The following PIP5K1B variants were observed in gnomAD, a reference collection of about 807,000 sequenced individuals.
PIP5K1B encodes the protein phosphatidylinositol-4-phosphate 5-kinase type 1 beta.
In PIP5K1B, 42 loss-of-function variants were observed where a neutral mutation model predicts 67.0. The ratio of observed to expected loss-of-function variants is 0.63; its 90% CI spans 0.49 to 0.81. PIP5K1B has a LOEUF of 0.81. Ranked by LOEUF, PIP5K1B falls within the 30% of genes least tolerant of loss-of-function variation. The pLI, the probability that PIP5K1B is intolerant of heterozygous loss-of-function variation, is 0.00. For missense variants in PIP5K1B, 459 were observed against 646.3 expected (o/e 0.71, Z 3.14); for synonymous variants, 214 against 231.4 (o/e 0.92, Z 0.68).
rs1827071491 is a variant in PIP5K1B at position 68,705,430 on chromosome 9, G to A, written c.-575G>A. ...GGCCGCTCGCTGCTCCGTCTGGCCG[G>A]AGGACCGGCGGGGAAGGAAGGGGAA... is the stretch of plus-strand genomic sequence containing the variant. On this transcript the variant is annotated 5_prime_UTR_variant, in exon 1 of 16. Coordinates refer to ENST00000265382, the MANE Select transcript of PIP5K1B (RefSeq NM_003558.4). The A allele has an allele frequency of 2.6e-5, 4 of 151,824 alleles. No homozygotes were observed. The South Asian group carries it at 8.3e-4, about 31-fold the overall frequency. 9.4% of individuals were successfully genotyped at this position (151,824 alleles called of 1,614,324 possible).
chr9:68,939,880 T>C (rs1434353035), intron 13 of PIP5K1B, among the ~76,000 whole-genome samples: 2 of 152,216 alleles, frequency 1.3e-5, no homozygotes, highest in Non-Finnish European at 2.9e-5. Flanking sequence ...GTTATAATTG[T>C]ATTTATTAGC....
intron 10 of PIP5K1B, 56 bp from the exon 11 acceptor site, chr9:68,919,625 A>C: frequency 1.4e-6 from 2 of 1,427,448 alleles, no homozygotes; most frequent in Non-Finnish European, 2.0e-6. Context: ...GTTCTGAAAA[A>C]TCACCAAATG....
intron 13 of PIP5K1B, among the ~76,000 whole-genome samples, chr9:68,936,898 A>T (rs1827290543): frequency 6.6e-6 from 1 of 152,176 alleles, no homozygotes; most frequent in African/African-American, 2.4e-5. Flanking sequence ...AACTTATTTT[A>T]AAATTATATT....
chr9:68,922,532 A>C (rs1332865172), intron 11 of PIP5K1B, among the ~76,000 whole-genome samples: 1 of 152,126 alleles, frequency 6.6e-6, no homozygotes, highest in Non-Finnish European at 1.5e-5. Flanking sequence ...AAGCAAATTT[A>C]CTATGTCTAC....
chr9:68,795,076 G>A (rs1180240999), intron 2 of PIP5K1B, among the ~76,000 whole-genome samples: 2 of 152,096 alleles, frequency 1.3e-5, no homozygotes, highest in African/African-American at 4.8e-5. Flanking sequence ...TGATCCTTCC[G>A]GCTCTAGGTA....
At chr9:68,893,435 G>T (rs775847941) in intron 7 of PIP5K1B, among the ~76,000 whole-genome samples, 2 of 143,196 alleles carry the variant, frequency 1.4e-5, no homozygotes, top group Non-Finnish European at 3.0e-5. Context: ...CCGGGTTAAA[G>T]CAATTCTCCT....
chr9:68,800,443 CAT>C (rs1248421515), intron 2 of PIP5K1B, among the ~76,000 whole-genome samples: 1 of 152,166 alleles, frequency 6.6e-6, no homozygotes, highest in African/African-American at 2.4e-5. Context: ...GGGGAAGAAA[CAT>C]GGGTTGCTTG....
chr9:68,997,704 C>T (rs577816133), intron 15 of PIP5K1B, among the ~76,000 whole-genome samples: 52 of 152,284 alleles, frequency 3.4e-4, no homozygotes, highest in African/African-American at 1.1e-3. Flanking sequence ...AAATGGACCT[C>T]CCATTGCCCG....
At chr9:68,819,434 T>C (rs545163345) in intron 3 of PIP5K1B, among the ~76,000 whole-genome samples, 1 of 152,254 alleles carries the variant, frequency 6.6e-6, no homozygotes, top group Admixed American at 6.5e-5. Context: ...ACATTGAACC[T>C]GGCTAATTTT....
chr9:68,884,813 G>A (rs1462551903), intron 6 of PIP5K1B, among the ~76,000 whole-genome samples: 1 of 152,176 alleles, frequency 6.6e-6, no homozygotes, highest in Non-Finnish European at 1.5e-5. Context: ...GATAACAAGT[G>A]TTTGGTGAGG....
intron 8 of PIP5K1B, among the ~76,000 whole-genome samples, chr9:68,898,880 C>T (rs1052820235): frequency 1.3e-5 from 2 of 152,216 alleles, no homozygotes; most frequent in African/African-American, 4.8e-5. Context: ...TTTTCATTAT[C>T]ATTGCCTTCC....
At chr9:68,883,833 C>G (rs962135236) in intron 6 of PIP5K1B, among the ~76,000 whole-genome samples, 2 of 151,952 alleles carry the variant, frequency 1.3e-5, no homozygotes, top group Non-Finnish European at 2.9e-5. Context: ...TAAACACACA[C>G]ACACACACAC....
intron 8 of PIP5K1B, 32 bp from the exon 9 acceptor site, chr9:68,917,516 T>G (rs1241866630): frequency 6.5e-7 from 1 of 1,545,206 alleles, no homozygotes; most frequent in Non-Finnish European, 8.9e-7. Flanking sequence ...GCCTTTGGGT[T>G]GACTGGCTTC....
intron 2 of PIP5K1B, among the ~76,000 whole-genome samples, chr9:68,787,029 G>A (rs747389852): frequency 1.3e-5 from 2 of 152,158 alleles, no homozygotes; most frequent in Non-Finnish European, 2.9e-5. Flanking sequence ...ACCATGACAC[G>A]CAACCTCTGG....
At chr9:68,744,091 T>C (rs1184022662) in intron 2 of PIP5K1B, among the ~76,000 whole-genome samples, 1 of 152,156 alleles carries the variant, frequency 6.6e-6, no homozygotes, top group Non-Finnish European at 1.5e-5. Context: ...GAACCACTGA[T>C]GTATGCAGGA....
chr9:68,904,027 T>A (rs1825492560), intron 8 of PIP5K1B, among the ~76,000 whole-genome samples: 1 of 152,156 alleles, frequency 6.6e-6, no homozygotes, highest in Middle Eastern at 3.2e-3. Flanking sequence ...GTTCTCTCAT[T>A]CATCTTCACA....
At chr9:68,984,174 C>G (rs1830009139) in intron 14 of PIP5K1B, among the ~76,000 whole-genome samples, 1 of 152,210 alleles carries the variant, frequency 6.6e-6, no homozygotes, top group Non-Finnish European at 1.5e-5. Flanking sequence ...AACTGGAGCT[C>G]TTACTCAGAA....
chr9:68,954,210 C>G (rs917741624), intron 14 of PIP5K1B, among the ~76,000 whole-genome samples: 3 of 152,136 alleles, frequency 2.0e-5, no homozygotes, highest in Non-Finnish European at 2.9e-5. Context: ...AAATTGATTA[C>G]TACCTGTTCA....
At chr9:68,963,572 T>A (rs896411281) in intron 14 of PIP5K1B, among the ~76,000 whole-genome samples, 4 of 151,886 alleles carry the variant, frequency 2.6e-5, no homozygotes, top group African/African-American at 7.3e-5. Context: ...GTTGCATAGG[T>A]CACATGACCC....
Sources: gnomAD v4.1 joint callset for allele counts (sites outside exome capture counted in the v4.1 genomes callset) on GRCh38, gnomAD v4.1.1 for gene constraint, MANE v1.5 for transcripts, NCBI Gene and HGNC (gene_info 2026-07-23, HGNC 2026-07-21) for gene names.